Variants in ERC1 observed in about 807,000 individuals in gnomAD.
The protein encoded by ERC1 is ELKS/RAB6-interacting/CAST family member 1.
ERC1 carries 56 observed loss-of-function variants against 132.0 expected under a neutral mutation model. The observed-to-expected ratio is 0.42, with a 90% CI of 0.34 to 0.53. The LOEUF (loss-of-function observed/expected upper bound fraction) is 0.53, where lower values mean the gene tolerates loss of function less well. ERC1 is among the 20% of genes least tolerant of loss of function. The pLI, the probability that ERC1 is intolerant of heterozygous loss-of-function variation, is 0.03. For missense variants in ERC1, 1,202 were observed against 1,349.9 expected (o/e 0.89, Z 1.72); for synonymous variants, 478 against 476.1 (o/e 1.00, Z -0.05).
chr12:1,387,676 A>C (rs12422537), intron 16 of ERC1, among the ~76,000 whole-genome samples: 44,813 of 152,056 alleles, frequency 0.29, 6,795 homozygotes, highest in Middle Eastern at 0.34. Context: ...CAGTCACTGA[A>C]GCCAAAAGAG....
chr12:1,265,329 G>C (rs2077408715), intron 14 of ERC1, among the ~76,000 whole-genome samples: 1 of 152,094 alleles, frequency 6.6e-6, no homozygotes, highest in Admixed American at 6.6e-5. Flanking sequence ...TGTCATTATG[G>C]GATACAGACT....
intron 7 of ERC1, among the ~76,000 whole-genome samples, chr12:1,123,848 A>T (rs547550072): frequency 6.6e-6 from 1 of 152,260 alleles, no homozygotes; most frequent in South Asian, 2.1e-4. Context: ...TACAAAAATG[A>T]GCTGGGCGTG....
intron 16 of ERC1, among the ~76,000 whole-genome samples, chr12:1,404,256 G>A (rs1250562419): frequency 6.6e-6 from 1 of 151,996 alleles, no homozygotes; most frequent in Admixed American, 6.6e-5. Flanking sequence ...GGGCTCCCTC[G>A]GGCCTTTTTC....
intron 14 of ERC1, among the ~76,000 whole-genome samples, chr12:1,282,118 A>G (rs552000819): frequency 2.6e-5 from 4 of 152,136 alleles, no homozygotes; most frequent in African/African-American, 7.2e-5. Context: ...TTTTAAAAAG[A>G]GTGGGAATGG....
chr12:1,396,288 A>G (rs1419951932), intron 16 of ERC1, among the ~76,000 whole-genome samples: 1 of 152,252 alleles, frequency 6.6e-6, no homozygotes, highest in East Asian at 1.9e-4. Flanking sequence ...ATTTTTATAG[A>G]AAAAGCATTC....
intron 1 of ERC1, among the ~76,000 whole-genome samples, chr12:994,066 CAAAAAAAAAAAAAAAA>C (rs72073964): frequency 0.1 from 6,800 of 65,110 alleles, 382 homozygotes; most frequent in South Asian, 0.21. Flanking sequence ...AACTCCGTCT[CAAAAAAAAAAAAAAAA>C]AAAAAAAAAA....
In ERC1 at chr12:994,066, C is replaced by CAAAAAAAA. The variant is rs72073964; in HGVS notation, c.-157+2766_-157+2773dup. On this transcript the variant is annotated intron_variant, in intron 1 of 18. Coordinates refer to ENST00000360905, the MANE Select transcript of ERC1 (RefSeq NM_178040.4). Reference sequence around the variant, plus strand: ...CCTGAGTCACGGCAAAACTCCGTCTCAAAAAAAAAAAAAAAAAAAAAAAAA... The same window carrying CAAAAAAAA: ...CCTGAGTCACGGCAAAACTCCGTCTCAAAAAAAAAAAAAAAAAAAAAAAAAAAAAAAAA... 8.7e-3 allele frequency among the ~76,000 whole-genome samples: 557 copies of CAAAAAAAA among 64,184 alleles called. 38 individuals carry two copies. The highest frequency in any genetic ancestry group is 0.017 in the African/African-American group (334 of 20,196). 42.1% of individuals were successfully genotyped at this position (64,184 alleles called of 152,430 possible).
At chr12:1,147,359 C>T (rs1430213625) in intron 8 of ERC1, among the ~76,000 whole-genome samples, 1 of 152,038 alleles carries the variant, frequency 6.6e-6, no homozygotes, top group African/African-American at 2.4e-5. Flanking sequence ...TTTTTGGGGT[C>T]TATTGAGATG....
rs569598563 is a variant in ERC1, at chr12:1,351,427, G to A, written c.2781-20406G>A. Among the ~76,000 whole-genome samples, 19 of 152,290 alleles carry A rather than the reference G, an allele frequency of 1.2e-4. 1 individual carries two copies. Among genetic ancestry groups the A allele is most frequent in the African/African-American group, 4.6e-4 (19 of 41,554 alleles). The stretch of plus-strand genomic sequence containing the variant: ...TGTACCATTTTGCGTTCCCACCAGC[G>A]GTGAATGAGAATTCCTGTTGCTCAG... On this transcript the variant is annotated intron_variant, in intron 15 of 18. Coordinates refer to ENST00000360905, the MANE Select transcript of ERC1 (RefSeq NM_178040.4).
chr12:1,334,915 T>C (rs763451907), intron 15 of ERC1, among the ~76,000 whole-genome samples: 1 of 152,198 alleles, frequency 6.6e-6, no homozygotes. Flanking sequence ...TGAGCAGTGT[T>C]TTGTAGTTCT....
intron 17 of ERC1, among the ~76,000 whole-genome samples, chr12:1,429,189 A>T (rs2092723246): frequency 6.6e-6 from 1 of 152,146 alleles, no homozygotes; most frequent in African/African-American, 2.4e-5. Context: ...TTGCAGGAGG[A>T]GGGATTTGGC....
chr12:1,453,151 G>C (rs2093461259), intron 18 of ERC1, among the ~76,000 whole-genome samples: 1 of 152,088 alleles, frequency 6.6e-6, no homozygotes, highest in African/African-American at 2.4e-5. Flanking sequence ...CTCCAGTCTT[G>C]GTCTTGGTAC....
intron 18 of ERC1, among the ~76,000 whole-genome samples, chr12:1,477,469 C>T (rs2093997588): frequency 6.6e-6 from 1 of 152,140 alleles, no homozygotes; most frequent in Non-Finnish European, 1.5e-5. Flanking sequence ...AGAAGAACAA[C>T]ACCAGGACAG....
At chr12:1,250,361 A>T (rs1220014787) in intron 13 of ERC1, among the ~76,000 whole-genome samples, 1 of 152,054 alleles carries the variant, frequency 6.6e-6, no homozygotes, top group African/African-American at 2.4e-5. Flanking sequence ...ATCATGCTTT[A>T]TTGTTTACAT....
At chr12:1,371,511 G>T (rs1469779409) in intron 15 of ERC1, among the ~76,000 whole-genome samples, 1 of 151,720 alleles carries the variant, frequency 6.6e-6, no homozygotes, top group Non-Finnish European at 1.5e-5. Flanking sequence ...TCAAAGAATT[G>T]TTGGAAGGGG....
chr12:1,107,475 G>A (rs1042329097), intron 4 of ERC1, among the ~76,000 whole-genome samples: 11 of 152,152 alleles, frequency 7.2e-5, no homozygotes, highest in Non-Finnish European at 1.3e-4. Flanking sequence ...AGGTTGAACA[G>A]GAAATAATCA....
rs181698254 is a variant in ERC1, at chr12:1,316,931, G to A, written c.2780+26919G>A. Reference sequence around the variant, plus strand: ...TCCCAGCACTTTGGGAGGCCGAGGCGGGTGGATCACCTGAGGTCAGGAGTT... The same window carrying A: ...TCCCAGCACTTTGGGAGGCCGAGGCAGGTGGATCACCTGAGGTCAGGAGTT... On this transcript the variant is annotated intron_variant, in intron 15 of 18. Transcript: ENST00000360905. 9.8e-3 allele frequency among the ~76,000 whole-genome samples: 1,494 copies of A among 152,198 alleles called. 21 individuals carry two copies. The highest frequency in any genetic ancestry group is 0.033 in the African/African-American group (1,390 of 41,532).
At chr12:1,284,912 G>A (rs945035327) in intron 14 of ERC1, among the ~76,000 whole-genome samples, 1 of 152,192 alleles carries the variant, frequency 6.6e-6, no homozygotes, top group Non-Finnish European at 1.5e-5. Context: ...TTACAGGCAT[G>A]AGCCACCACT....
At chr12:1,060,216 T>C (rs1278609459) in intron 2 of ERC1, among the ~76,000 whole-genome samples, 3 of 151,880 alleles carry the variant, frequency 2.0e-5, no homozygotes, top group African/African-American at 7.3e-5. Context: ...AGGGTACATG[T>C]GCACAATGTG....
Sources: allele counts gnomAD v4.1 joint callset (sites outside exome capture counted in the v4.1 genomes callset), GRCh38; gene constraint gnomAD v4.1.1; transcripts MANE v1.5; gene names NCBI Gene and HGNC (gene_info 2026-07-23, HGNC 2026-07-21).